Variants in SYTL2 observed in about 807,000 individuals in gnomAD.
The protein encoded by SYTL2 is synaptotagmin-like protein 2.
In SYTL2, 165 loss-of-function variants were observed where a neutral mutation model predicts 198.7. That is an observed-to-expected ratio of 0.83 (90% CI 0.73 to 0.94). The LOEUF (loss-of-function observed/expected upper bound fraction) is 0.94, where lower values mean the gene tolerates loss of function less well. SYTL2 is among the 40% of genes least tolerant of loss of function. The pLI is 0.00. For missense variants in SYTL2, 2,835 were observed against 2,582.8 expected, an observed-to-expected ratio of 1.10 and a Z score of -2.12; for synonymous variants, 966 against 917.7, an observed-to-expected ratio of 1.05 and a Z score of -0.95.
chr11:85,696,866 A>G (rs113437736), intron 18 of SYTL2, among the ~76,000 whole-genome samples: 3 of 152,350 alleles, frequency 2.0e-5, no homozygotes, highest in African/African-American at 7.2e-5. Flanking sequence ...TTTGTGTTAT[A>G]CAGAATAGAA....
intron 7 of SYTL2, 138 bp from the exon 8 acceptor site, chr11:85,728,105 G>A (rs1443159651): frequency 2.3e-5 from 17 of 723,980 alleles, no homozygotes; most frequent in Middle Eastern, 7.9e-4. Context: ...GCATTTTTCA[G>A]GGGTTAAAAT....
chr11:85,783,489 A>G (rs1210802365), intron 1 of SYTL2, among the ~76,000 whole-genome samples: 1 of 152,196 alleles, frequency 6.6e-6, no homozygotes, highest in Non-Finnish European at 1.5e-5. Context: ...CTGGTTCTTC[A>G]TATATCCTAA....
intron 2 of SYTL2, 25 bp from the exon 3 acceptor site, chr11:85,748,448 T>G (rs1206935017): frequency 6.2e-7 from 1 of 1,612,280 alleles, no homozygotes; most frequent in African/African-American, 1.3e-5. Flanking sequence ...GATCTTTAGT[T>G]TGCTGAGAAC....
Position 85,745,679 on chromosome 11 carries a change from A to G in SYTL2, c.347T>C (p.Val116Ala), listed in dbSNP as rs755023087. 1.2e-6 allele frequency: 2 copies of G among 1,613,888 alleles called. No homozygotes were observed. Among genetic ancestry groups the G allele is most frequent in the South Asian group, 1.1e-5 (1 of 91,068 alleles). Residue 116 changes from valine to alanine, a missense_variant, in exon 4 of 20, where the codon GTT becomes GCT. Val to Ala is a moderately conservative substitution (Grantham distance 64). This residue lies in a region of SYTL2 where 2,645 missense variants were observed against 2,381.7 expected (regional missense o/e 1.11). Transcript: ENST00000359152. ...TGCATCTTCTTCTGGCTCTTCTACA[A>G]CGCCAGCCAGCTCTGGAGGAAGGAA... The part of the protein sequence containing the change: ...DAFLPPELAG[V>A]VEEPEEDAAP...
In SYTL2 at chr11:85,714,476, T is replaced by C. The variant is rs949609221; in HGVS notation, c.5562A>G (p.Pro1854=). The change falls in exon 12 of 20, where the codon CCA becomes CCG. Residue 1854 remains proline (P), a synonymous_variant. Transcript: ENST00000359152. ...TTTTGAGTTTGTCAGGGTGAGAAAA[T>C]GGATTATCAGGTTGTGTAGGCACTG... ...ISTVPTQPDN[P]FSHPDKLKRM... 9.3e-6 allele frequency: 15 copies of C among 1,613,610 alleles called. No homozygotes were observed. The highest frequency in any genetic ancestry group is 6.7e-5 in the Admixed American group (4 of 60,002).
chr11:85,748,223 C>T, intron 3 of SYTL2, 49 bp downstream of exon 3: 1 of 1,588,040 alleles, frequency 6.3e-7, no homozygotes, highest in Middle Eastern at 1.7e-4. Context: ...CCCCGCTCCT[C>T]CTTCCCAAAC....
At position 85,725,156 on chromosome 11, in the gene SYTL2, G is replaced by A; in HGVS notation, c.4202C>T (p.Pro1401Leu). The A allele has an allele frequency of 6.2e-7, 1 of 1,614,070 alleles. No homozygotes were observed. Among genetic ancestry groups the A allele is most frequent in the Non-Finnish European group, 8.5e-7 (1 of 1,179,974 alleles). Residue 1401 changes from proline to leucine, a missense_variant, in exon 8 of 20, where the codon CCT (proline) becomes CTT (leucine). Physicochemically the swap from Pro to Leu is moderately conservative, Grantham distance 98 (BLOSUM62 -3). This residue lies in a region of SYTL2 where 2,645 missense variants were observed against 2,381.7 expected (regional missense o/e 1.11). Transcript: ENST00000359152. ...VGPGEVNPEF[P>L]EAVQPVCSPL... ...GCTACATACTGGCTGTACTGCTTCA[G>A]GAAATTCTGGGTTCACTTCTCCAGG...
At chr11:85,748,949 T>C (rs1387910421) in intron 2 of SYTL2, among the ~76,000 whole-genome samples, 4 of 152,200 alleles carry the variant, frequency 2.6e-5, no homozygotes, top group African/African-American at 9.7e-5. Flanking sequence ...GATATGAGTT[T>C]ATTAGAGACT....
chr11:85,795,212 C>T (rs1342408655), intron 1 of SYTL2, among the ~76,000 whole-genome samples: 4 of 152,130 alleles, frequency 2.6e-5, no homozygotes, highest in South Asian at 4.1e-4. Context: ...CTACCACCAC[C>T]GCTAAGTTTA....
intron 7 of SYTL2, among the ~76,000 whole-genome samples, chr11:85,732,223 C>T (rs940433660): frequency 6.6e-6 from 1 of 152,094 alleles, no homozygotes; most frequent in African/African-American, 2.4e-5. Flanking sequence ...ACCATTTGAC[C>T]CAGCAATCCC....
intron 4 of SYTL2, among the ~76,000 whole-genome samples, chr11:85,744,538 G>A (rs2091018302): frequency 6.6e-6 from 1 of 152,132 alleles, no homozygotes; most frequent in African/African-American, 2.4e-5. Context: ...TACCCTTAGA[G>A]TACCCATAGA....
the SYTL2 span, among the ~76,000 whole-genome samples, chr11:85,845,246 C>G: frequency 3.9e-5 from 6 of 152,300 alleles, no homozygotes; most frequent in East Asian, 1.2e-3. Context: ...CTCATCACTT[C>G]CCCTAAAATG....
Position 85,709,366 on chromosome 11 carries a change from T to C in SYTL2, c.5880A>G (p.Leu1960=), listed in dbSNP as rs376224517. The change falls in exon 14 of 20, where the codon TTA becomes TTG. Residue 1960 remains leucine (L), a synonymous_variant. Coordinates refer to ENST00000359152, the MANE Select transcript of SYTL2 (RefSeq NM_206927.4). The part of the protein sequence containing the change: ...LHVFVAQCKD[L]AAADVKKQRS... ...GCTGTTTTTTTACATCCGCTGCTGC[T>C]AAGTCCTTACACTGGGCCACAAAAA... The C allele has an allele frequency of 7.4e-6, 12 of 1,614,060 alleles. No individual in the cohort carries two copies. Among genetic ancestry groups the C allele is most frequent in the Non-Finnish European group, 9.3e-6 (11 of 1,180,024 alleles).
In SYTL2 at chr11:85,736,573, G is replaced by A; in HGVS notation, c.514C>T (p.His172Tyr). The change falls in exon 6 of 20, where the codon CAC (histidine) becomes TAC (tyrosine). Residue 172 changes from histidine to tyrosine, a missense_variant. His to Tyr is a moderately conservative substitution (Grantham distance 83). Transcript: ENST00000359152. ...PFNSSKLPEG[H>Y]SSQQTKNEQS... ...TCATTTTTAGTTTGTTGTGATGAGT[G>A]ACCTTCTGGCAACTTGGAGCTATTA... The A allele has an allele frequency of 6.2e-7, 1 of 1,606,402 alleles. No homozygotes were observed. Among genetic ancestry groups the A allele is most frequent in the Non-Finnish European group, 8.5e-7 (1 of 1,174,328 alleles).
chr11:85,738,240 G>A (rs2090510528), intron 4 of SYTL2, among the ~76,000 whole-genome samples: 1 of 152,188 alleles, frequency 6.6e-6, no homozygotes, highest in African/African-American at 2.4e-5. Context: ...AGATGTTCCT[G>A]CAGCCTCATT....
intron 8 of SYTL2, among the ~76,000 whole-genome samples, chr11:85,722,984 A>G (rs2088581894): frequency 6.6e-6 from 1 of 152,184 alleles, no homozygotes; most frequent in Non-Finnish European, 1.5e-5. Flanking sequence ...AAAGGAGCTA[A>G]ACAAATGACA....
At chr11:85,845,015 G>C in the SYTL2 span, among the ~76,000 whole-genome samples, 1 of 152,132 alleles carries the variant, frequency 6.6e-6, no homozygotes, top group Admixed American at 6.5e-5. Context: ...CTAGGGCTTT[G>C]TGTTTGCAAT....
At chr11:85,706,801 C>T (rs887377278) in intron 15 of SYTL2, among the ~76,000 whole-genome samples, 2 of 152,072 alleles carry the variant, frequency 1.3e-5, no homozygotes, top group African/African-American at 4.8e-5. Flanking sequence ...TTGCAATGCT[C>T]AACTTTATCA....
intron 17 of SYTL2, among the ~76,000 whole-genome samples, chr11:85,698,829 AC>A (rs2083818272): frequency 6.6e-6 from 1 of 152,136 alleles, no homozygotes; most frequent in Non-Finnish European, 1.5e-5. Context: ...GTGAGCCACC[AC>A]CCCCAGTCAA....
Sources: allele counts gnomAD v4.1 joint callset (sites outside exome capture counted in the v4.1 genomes callset), GRCh38; gene constraint gnomAD v4.1.1; regional missense constraint gnomAD v4.1.1; transcripts MANE v1.5; gene names NCBI Gene and HGNC (gene_info 2026-07-23, HGNC 2026-07-21).